EIF4G3: variants seen among roughly 807,000 people sequenced by gnomAD.
EIF4G3 encodes eIF-4-gamma 3.
In EIF4G3, 34 loss-of-function variants were observed where a neutral mutation model predicts 186.4. That is an observed-to-expected ratio of 0.18 (90% CI 0.14 to 0.24). The LOEUF (loss-of-function observed/expected upper bound fraction) is 0.24. Among genes scored for constraint, EIF4G3 ranks in the 10% least tolerant of loss-of-function variants. The pLI is 1.00. For synonymous variants in EIF4G3, 673 were observed against 679.5 expected, an observed-to-expected ratio of 0.99 and a Z score of 0.15; for missense variants, 1,536 against 1,948.5, an observed-to-expected ratio of 0.79 and a Z score of 3.99.
rs1310418895 is a variant in EIF4G3, at chr1:21,088,619, C to T, written c.-196+519G>A. Among the ~76,000 whole-genome samples the T allele has an allele frequency of 3.9e-5, 6 of 152,168 alleles. No individual in the cohort carries two copies. The East Asian group carries it at 5.8e-4, about 15-fold the overall frequency. The stretch of plus-strand genomic sequence containing the variant: ...TACAAAGCTGCCTATAATCCCAGCA[C>T]GTTGGGAGGCCAAGGCAGGTGGATC... On this transcript the variant is annotated intron_variant, in intron 3 of 36. Coordinates refer to ENST00000602326, the MANE Select transcript of EIF4G3 (RefSeq NM_001391906.1).
intron 2 of EIF4G3, among the ~76,000 whole-genome samples, chr1:21,135,813 A>G (rs2097230033): frequency 6.6e-6 from 1 of 152,224 alleles, no homozygotes; most frequent in African/African-American, 2.4e-5. Flanking sequence ...GCTCCCTGTT[A>G]TCAACAGAAA....
Position 20,817,530 on chromosome 1 carries a change from G to A in EIF4G3, c.4377C>T (p.Asp1459=), listed in dbSNP as rs1381607477. Residue 1459 remains aspartate (D), a synonymous_variant, in exon 34 of 37, where the codon GAC becomes GAT. Coordinates refer to ENST00000602326, the MANE Select transcript of EIF4G3 (RefSeq NM_001391906.1). ...AACAGGGACTGTCAGACTCTATGAAGTCCAACTTCTGAAACATAAAAGGTG... is the reference window on the plus strand; with the variant it reads ...AACAGGGACTGTCAGACTCTATGAAATCCAACTTCTGAAACATAAAAGGTG... ...VHNFLLEQKL[D]FIESDSPCSS... The A allele has an allele frequency of 2.5e-6, 4 of 1,586,554 alleles. No individual in the cohort carries two copies. The South Asian group carries it at 4.7e-5, about 18-fold the overall frequency.
intron 20 of EIF4G3, among the ~76,000 whole-genome samples, chr1:20,875,041 T>A (rs1257299311): frequency 6.6e-6 from 1 of 152,160 alleles, no homozygotes; most frequent in African/African-American, 2.4e-5. Flanking sequence ...TACCATAGTA[T>A]TATCATGGTC....
At chr1:20,897,436 C>T (rs1465381799) in intron 16 of EIF4G3, among the ~76,000 whole-genome samples, 1 of 149,574 alleles carries the variant, frequency 6.7e-6, no homozygotes, top group Non-Finnish European at 1.5e-5. Flanking sequence ...CAAAAGGACA[C>T]AAAACACAGA....
chr1:21,134,566 C>T (rs765368449), intron 2 of EIF4G3, among the ~76,000 whole-genome samples: 3 of 152,050 alleles, frequency 2.0e-5, no homozygotes, highest in African/African-American at 4.8e-5. Context: ...GCTACTCGGG[C>T]GCTGATTCAT....
chr1:21,025,090 G>T (rs1446288163), intron 4 of EIF4G3, among the ~76,000 whole-genome samples: 5 of 152,026 alleles, frequency 3.3e-5, no homozygotes, highest in Non-Finnish European at 7.4e-5. Context: ...GCAAAACAAG[G>T]AATATTTTAA....
In EIF4G3 at chr1:20,995,101, T is replaced by C. The variant is rs924243564; in HGVS notation, c.177+2500A>G. 5.3e-5 allele frequency among the ~76,000 whole-genome samples: 8 copies of C among 152,144 alleles called. No homozygotes were observed. The East Asian group carries it at 5.8e-4, about 11-fold the overall frequency. ...AGAGATTTCTGAACATTTTCCCCGA[T>C]TGTTGGAATTAAAGAAAGACAAAAT... On this transcript the variant is annotated intron_variant, in intron 7 of 36. Transcript: ENST00000602326.
chr1:20,806,712 A>G lies in EIF4G3; in HGVS notation c.*607T>C, dbSNP rs1043904490. ...GTCCACAGCATTTCCTTCTGTTTCA[A>G]TGTTATGTATGTTTTGATTACTATT... On this transcript the variant is annotated 3_prime_UTR_variant, in exon 37 of 37. Coordinates refer to ENST00000602326, the MANE Select transcript of EIF4G3 (RefSeq NM_001391906.1). The G allele has an allele frequency of 2.6e-5, 4 of 151,056 alleles. No individual in the cohort carries two copies. Among genetic ancestry groups the G allele is most frequent in the African/African-American group, 9.8e-5 (4 of 40,892 alleles). The allele number at this position is 151,056 out of a possible 1,614,324, so 9.4% of individuals were successfully genotyped here.
At chr1:20,886,528 A>G (rs1180652486) in intron 18 of EIF4G3, among the ~76,000 whole-genome samples, 157 bp from the exon 19 acceptor site, 1 of 152,208 alleles carries the variant, frequency 6.6e-6, no homozygotes, top group Non-Finnish European at 1.5e-5. Context: ...GGGGTAAAAA[A>G]AATAACTTCA....
intron 4 of EIF4G3, among the ~76,000 whole-genome samples, chr1:21,009,970 G>T (rs960234784): frequency 2.6e-5 from 4 of 152,026 alleles, no homozygotes; most frequent in Non-Finnish European, 5.9e-5. Flanking sequence ...GTCTTCTTAA[G>T]TGCTACACAA....
chr1:21,153,277 C>G (rs965838731), intron 2 of EIF4G3, among the ~76,000 whole-genome samples: 2 of 152,202 alleles, frequency 1.3e-5, no homozygotes, highest in African/African-American at 4.8e-5. Context: ...AGACAAAAGT[C>G]TTCACTCATC....
intron 2 of EIF4G3, among the ~76,000 whole-genome samples, chr1:21,100,708 T>C (rs1450164919): frequency 6.6e-6 from 1 of 151,966 alleles, no homozygotes; most frequent in African/African-American, 2.4e-5. Flanking sequence ...TCCAGGCAGA[T>C]CCCATCTCTT....
chr1:20,857,493 G>A lies in EIF4G3; in HGVS notation c.3249C>T (p.Val1083=). The change falls in exon 25 of 37, where the codon GTC becomes GTT. Residue 1083 remains valine (V), a synonymous_variant. Coordinates refer to ENST00000602326, the MANE Select transcript of EIF4G3 (RefSeq NM_001391906.1). ...TCCACCCACCTTCGTCCACTCTCTG[G>A]ACACCTGCAGGGAGAACAGAGTGGG... is the stretch of plus-strand genomic sequence containing the variant. The part of the protein sequence containing the change: ...LMTKEKRRPG[V]QRVDEGGWNT... 1.2e-6 allele frequency: 2 copies of A among 1,613,332 alleles called. No individual in the cohort carries two copies. Among genetic ancestry groups the A allele is most frequent in the Non-Finnish European group, 1.7e-6 (2 of 1,179,306 alleles).
At chr1:21,107,468 A>G (rs1234061391) in intron 2 of EIF4G3, among the ~76,000 whole-genome samples, 1 of 152,148 alleles carries the variant, frequency 6.6e-6, no homozygotes, top group Non-Finnish European at 1.5e-5. Context: ...TACCGGGCCC[A>G]ACCTGAAAAC....
chr1:21,015,953 G>C (rs865915224), intron 4 of EIF4G3, among the ~76,000 whole-genome samples: 5 of 152,016 alleles, frequency 3.3e-5, no homozygotes, highest in Admixed American at 6.5e-5. Context: ...GAACTAGACA[G>C]TAACTAAAAA....
At chr1:20,887,698 C>T (rs996812535) in intron 18 of EIF4G3, among the ~76,000 whole-genome samples, 2 of 148,738 alleles carry the variant, frequency 1.3e-5, no homozygotes, top group African/African-American at 2.5e-5. Flanking sequence ...GTATGAGACA[C>T]ATGGTATAAC....
chr1:21,069,625 T>C (rs2095380207), intron 3 of EIF4G3, among the ~76,000 whole-genome samples: 1 of 152,342 alleles, frequency 6.6e-6, no homozygotes, highest in South Asian at 2.1e-4. Flanking sequence ...AGAGGATCTT[T>C]CAGTTATTTT....
At chr1:20,969,666 G>C (rs2075420006) in intron 11 of EIF4G3, 70 bp from the exon 12 acceptor site, 2 of 1,487,902 alleles carry the variant, frequency 1.3e-6, no homozygotes, top group Non-Finnish European at 1.8e-6. Flanking sequence ...GCATATAAGT[G>C]AGTTAAAGGT....
intron 19 of EIF4G3, among the ~76,000 whole-genome samples, chr1:20,880,794 G>C (rs2082100295): frequency 6.6e-6 from 1 of 152,032 alleles, no homozygotes. Flanking sequence ...ATAAATCACT[G>C]ATGAAGGAAA....
Sources: gnomAD v4.1 joint callset for allele counts (sites outside exome capture counted in the v4.1 genomes callset) on GRCh38, gnomAD v4.1.1 for gene constraint, MANE v1.5 for transcripts, NCBI Gene and HGNC (gene_info 2026-07-23, HGNC 2026-07-21) for gene names.